The following PDE10A variants were observed in gnomAD, a reference collection of about 807,000 sequenced individuals.
The protein encoded by PDE10A is phosphodiesterase 10A.
Under a neutral mutation model 97.7 loss-of-function variants are expected in PDE10A, and 39 were observed. That is an observed-to-expected ratio of 0.40 (90% CI 0.31 to 0.52). PDE10A has a LOEUF of 0.52. Ranked by LOEUF, PDE10A falls within the 20% of genes least tolerant of loss-of-function variation. The probability of loss-of-function intolerance (pLI) is 0.56; values close to 1 mark genes in which losing one functional copy is unlikely to be tolerated. For missense variants in PDE10A, 731 were observed against 1,047.8 expected, an observed-to-expected ratio of 0.70 and a Z score of 4.17; for synonymous variants, 371 against 376.8, an observed-to-expected ratio of 0.98 and a Z score of 0.18.
intron 2 of PDE10A, among the ~76,000 whole-genome samples, chr6:165,523,252 A>C (rs553618987): frequency 6.6e-6 from 1 of 152,326 alleles, no homozygotes; most frequent in African/African-American, 2.4e-5. Flanking sequence ...CATTTTTCAC[A>C]GAATTAGAAA....
At chr6:165,782,905 GAAGGA>G (rs1396538352) in intron 1 of PDE10A, among the ~76,000 whole-genome samples, 1 of 152,164 alleles carries the variant, frequency 6.6e-6, no homozygotes, top group East Asian at 1.9e-4. Context: ...TGCTGCGTAT[GAAGGA>G]AAGAAGAAAA....
Position 165,640,132 on chromosome 6 carries a change from T to A in PDE10A, c.865+21815A>T, listed in dbSNP as rs1394076089. On this transcript the variant is annotated intron_variant, in intron 1 of 21. Coordinates refer to ENST00000539869, the MANE Select transcript of PDE10A (RefSeq NM_001385079.1). ...ACTAAAGGTCTTTAAGTTGCATGCA[T>A]GTAACTCTTTCCCATTAGGGTATAG... Among the ~76,000 whole-genome samples, 2 of 151,998 alleles carry A rather than the reference T, an allele frequency of 1.3e-5. 1 individual carries two copies. The highest frequency in any genetic ancestry group is 4.2e-4 in the South Asian group (2 of 4,810).
rs115713919 is a variant in PDE10A at position 165,874,785 on chromosome 6, G to A, written c.-615+112744C>T. 8.0e-3 allele frequency among the ~76,000 whole-genome samples: 1,212 copies of A among 152,254 alleles called. 17 individuals carry two copies. The highest frequency in any genetic ancestry group is 0.028 in the African/African-American group (1,158 of 41,532). ...CAATGTGTCCCATATCCAGTATGGC[G>A]TAGTGGGTCTGCACTGAAATGTCAT... On this transcript the variant is annotated intron_variant, in intron 1 of 19. Coordinates refer to the PDE10A transcript ENST00000366882.
intron 2 of PDE10A, among the ~76,000 whole-genome samples, chr6:165,494,769 G>T (rs1780444370): frequency 6.6e-6 from 1 of 152,006 alleles, no homozygotes; most frequent in Admixed American, 6.6e-5. Flanking sequence ...AATCTTCCAT[G>T]AGTAAGTAGC....
rs1029890977 is a variant in PDE10A, at chr6:165,374,088, G to T, written c.2783+5106C>A. Among the ~76,000 whole-genome samples, 6 of 109,422 alleles carry T rather than the reference G, an allele frequency of 5.5e-5. No homozygotes were observed. The Admixed American group carries it at 6.5e-4, about 12-fold the overall frequency. The allele number at this position is 109,422 out of a possible 152,430, so 71.8% of individuals were successfully genotyped here. ...CACTCTGGGGACTGTTGTGGGGTGG[G>T]GGGAGGGGGGAGGGATAGCATTAGG... is the stretch of plus-strand genomic sequence containing the variant. On this transcript the variant is annotated intron_variant, in intron 18 of 21. Transcript: ENST00000539869.
chr6:165,658,675 C>T (rs934434121), intron 1 of PDE10A, among the ~76,000 whole-genome samples: 2 of 152,254 alleles, frequency 1.3e-5, no homozygotes, highest in African/African-American at 4.8e-5. Flanking sequence ...GTCTGTCCCA[C>T]GTGACTTCTC....
At chr6:165,727,829 C>T (rs558954306) in intron 1 of PDE10A, among the ~76,000 whole-genome samples, 1 of 152,274 alleles carries the variant, frequency 6.6e-6, no homozygotes, top group Non-Finnish European at 1.5e-5. Flanking sequence ...TTTACTTTGT[C>T]TCGCTGCTTT....
intron 1 of PDE10A, among the ~76,000 whole-genome samples, chr6:165,757,250 C>T (rs1793138485): frequency 6.6e-6 from 1 of 152,164 alleles, no homozygotes; most frequent in Non-Finnish European, 1.5e-5. Flanking sequence ...CAGGTGAGCA[C>T]CGTGCCCAGC....
intron 5 of PDE10A, among the ~76,000 whole-genome samples, chr6:165,435,904 T>C (rs1309299356): frequency 6.6e-6 from 1 of 152,216 alleles, no homozygotes; most frequent in Non-Finnish European, 1.5e-5. Context: ...CAGAATACTC[T>C]AGATGAAAAA....
intron 3 of PDE10A, among the ~76,000 whole-genome samples, chr6:165,464,896 T>C (rs978075612): frequency 6.6e-6 from 1 of 152,242 alleles, no homozygotes; most frequent in Non-Finnish European, 1.5e-5. Context: ...CTTGTTTATC[T>C]GCCATACTAT....
At chr6:165,704,529 T>A (rs1791659990) in intron 1 of PDE10A, among the ~76,000 whole-genome samples, 1 of 152,218 alleles carries the variant, frequency 6.6e-6, no homozygotes, top group Admixed American at 6.5e-5. Context: ...CATGATCCCA[T>A]CTGTCACCAC....
rs192955087 is a variant in PDE10A, at chr6:165,839,528, T to C, written c.-615+148001A>G. ...CTGGAGAGTTCCAGTCCCCAATTCC[T>C]ATGGAGAAACAATTCCGAAAGATGA... On this transcript the variant is annotated intron_variant, in intron 1 of 19. Transcript: ENST00000366882. 1.3e-3 allele frequency among the ~76,000 whole-genome samples: 204 copies of C among 152,328 alleles called. 1 individual carries two copies. The highest frequency in any genetic ancestry group is 2.2e-3 in the Non-Finnish European group (149 of 68,014).
intron 1 of PDE10A, among the ~76,000 whole-genome samples, chr6:165,712,784 C>T (rs9459490): frequency 0.34 from 50,717 of 151,278 alleles, 9,432 homozygotes; most frequent in Non-Finnish European, 0.43. Context: ...GGACTACAGG[C>T]GCCCGCCACC....
intron 2 of PDE10A, among the ~76,000 whole-genome samples, chr6:165,521,406 T>C (rs1243853416): frequency 6.6e-6 from 1 of 152,154 alleles, no homozygotes; most frequent in African/African-American, 2.4e-5. Flanking sequence ...CAAGGAATAA[T>C]TAAGCTTAGT....
At chr6:165,965,086 G>A (rs1208908978) in intron 1 of PDE10A, among the ~76,000 whole-genome samples, 1 of 152,220 alleles carries the variant, frequency 6.6e-6, no homozygotes, top group Non-Finnish European at 1.5e-5. Context: ...CAGTGCAGAT[G>A]TGATATATTT....
chr6:165,904,457 G>T (rs2128484936), intron 1 of PDE10A, among the ~76,000 whole-genome samples: 1 of 152,296 alleles, frequency 6.6e-6, no homozygotes, highest in Middle Eastern at 3.4e-3. Context: ...ACCCATACAG[G>T]AAATTAATAC....
chr6:165,406,238 G>T (rs60168549), intron 13 of PDE10A, among the ~76,000 whole-genome samples: 4 of 140,172 alleles, frequency 2.9e-5, no homozygotes, highest in Admixed American at 7.0e-5. Context: ...ATGTGTGTGT[G>T]TGTGTGTGTG....
At chr6:165,473,643 C>T (rs1779137535) in intron 3 of PDE10A, among the ~76,000 whole-genome samples, 1 of 152,006 alleles carries the variant, frequency 6.6e-6, no homozygotes, top group South Asian at 2.1e-4. Flanking sequence ...AAATGTAGAA[C>T]ACCTGCCATG....
intron 1 of PDE10A, among the ~76,000 whole-genome samples, chr6:165,737,755 C>T (rs981308979): frequency 2.6e-5 from 4 of 152,172 alleles, no homozygotes; most frequent in Admixed American, 6.5e-5. Flanking sequence ...GACAAGGATG[C>T]CCACTCTTGC....
Sources: gnomAD v4.1 joint callset for allele counts (sites outside exome capture counted in the v4.1 genomes callset) on GRCh38, gnomAD v4.1.1 for gene constraint, MANE v1.5 for transcripts, NCBI Gene and HGNC (gene_info 2026-07-23, HGNC 2026-07-21) for gene names.